The following TNFRSF11A variants were observed in gnomAD, a reference collection of about 807,000 sequenced individuals.
The protein encoded by TNFRSF11A is TNF receptor superfamily member 11a, also known as tumor necrosis factor receptor superfamily member 11A.
TNFRSF11A carries 32 observed loss-of-function variants against 55.7 expected under a neutral mutation model. The ratio of observed to expected loss-of-function variants is 0.57; its 90% CI spans 0.43 to 0.77. The LOEUF is 0.77. TNFRSF11A is among the 30% of genes least tolerant of loss of function. The probability of loss-of-function intolerance (pLI) is 0.00; values close to 1 mark genes in which losing one functional copy is unlikely to be tolerated. For synonymous variants in TNFRSF11A, 311 were observed against 331.0 expected, an observed-to-expected ratio of 0.94 and a Z score of 0.65; for missense variants, 753 against 809.8, an observed-to-expected ratio of 0.93 and a Z score of 0.85.
At chr18:62,342,419 A>AAAAAAAAAAAAAAAAAAAAAAAAAC (rs1364553778) in intron 1 of TNFRSF11A, among the ~76,000 whole-genome samples, 1 of 150,924 alleles carries the variant, frequency 6.6e-6, no homozygotes. Flanking sequence ...AAAAAAAAAA[A>AAAAAAAAAAAAAAAAAAAAAAAAAC]AAAAAATCCT....
chr18:62,385,075 C>A lies in TNFRSF11A; in HGVS notation c.*41C>A. 7.0e-7 allele frequency: 1 copy of A among 1,435,692 alleles called. No individual in the cohort carries two copies. Among genetic ancestry groups the A allele is most frequent in the Non-Finnish European group, 9.1e-7 (1 of 1,104,584 alleles). The allele number at this position is 1,435,692 out of a possible 1,614,324, so 88.9% of individuals were successfully genotyped here. A position where few individuals can be genotyped will look rare whatever the true frequency, so the allele number is the denominator to read the frequency against. On this transcript the variant is annotated 3_prime_UTR_variant, in exon 10 of 10. Transcript: ENST00000586569. ...GGGAGCCCGAAGCTCGGAGCCAGGG[C>A]TCGCGAGGGCAGCACCGCAGCCTCT...
At chr18:62,347,387 A>T (rs1056543395) in intron 1 of TNFRSF11A, among the ~76,000 whole-genome samples, 1 of 152,208 alleles carries the variant, frequency 6.6e-6, no homozygotes, top group African/African-American at 2.4e-5. Flanking sequence ...CTGGGTGATT[A>T]TAGATGCCTG....
intron 4 of TNFRSF11A, 40 bp from the exon 5 acceptor site, chr18:62,358,207 GT>G: frequency 6.3e-7 from 1 of 1,583,278 alleles, no homozygotes; most frequent in Non-Finnish European, 8.6e-7. Context: ...TTTGTTTTTT[GT>G]TTGTTCTGTC....
intron 2 of TNFRSF11A, among the ~76,000 whole-genome samples, chr18:62,348,636 C>T (rs1568479257): frequency 1.3e-5 from 2 of 152,208 alleles, no homozygotes; most frequent in Non-Finnish European, 2.9e-5. Flanking sequence ...GGAATAACCA[C>T]ACTGGAATTG....
intron 1 of TNFRSF11A, among the ~76,000 whole-genome samples, chr18:62,333,558 C>G (rs561031007): frequency 6.6e-6 from 1 of 152,324 alleles, no homozygotes; most frequent in Admixed American, 6.5e-5. Flanking sequence ...CTCACTCCAC[C>G]TTGCTAGTAA....
chr18:62,327,864 A>C (rs536883344), intron 1 of TNFRSF11A, among the ~76,000 whole-genome samples: 9 of 152,320 alleles, frequency 5.9e-5, no homozygotes, highest in African/African-American at 1.9e-4. Context: ...TTGTGAGGGA[A>C]TTCATTTTCA....
At chr18:62,366,471 A>G (rs767547342) in intron 7 of TNFRSF11A, among the ~76,000 whole-genome samples, 1 of 152,210 alleles carries the variant, frequency 6.6e-6, no homozygotes, top group Non-Finnish European at 1.5e-5. Flanking sequence ...GTTGTATCAT[A>G]TTCAAGATTT....
At chr18:62,357,058 A>G (rs1909311353) in intron 4 of TNFRSF11A, among the ~76,000 whole-genome samples, 1 of 152,242 alleles carries the variant, frequency 6.6e-6, no homozygotes, top group South Asian at 2.1e-4. Flanking sequence ...GCTCTTCTTA[A>G]TAAAGATTCA....
chr18:62,338,846 G>A (rs1387472690), intron 1 of TNFRSF11A, among the ~76,000 whole-genome samples: 1 of 152,112 alleles, frequency 6.6e-6, no homozygotes, highest in Non-Finnish European at 1.5e-5. Context: ...TGGCCCCAAA[G>A]TTTTTTTAAA....
At chr18:62,328,699 C>T (rs2046109400) in intron 1 of TNFRSF11A, among the ~76,000 whole-genome samples, 1 of 152,200 alleles carries the variant, frequency 6.6e-6, no homozygotes, top group South Asian at 2.1e-4. Context: ...GCCCCCCATC[C>T]CATCCGAGAG....
chr18:62,379,302 C>G (rs1248900247), intron 9 of TNFRSF11A, among the ~76,000 whole-genome samples: 1 of 152,228 alleles, frequency 6.6e-6, no homozygotes, highest in Non-Finnish European at 1.5e-5. Context: ...CCATAGCACA[C>G]TGATTATTCA....
chr18:62,336,748 T>A (rs2046239699), intron 1 of TNFRSF11A: 1 of 152,262 alleles, frequency 6.6e-6, no homozygotes, highest in Admixed American at 6.5e-5. Flanking sequence ...GGCCTTGCCC[T>A]TGGATTCCAG....
chr18:62,325,322 G>A lies in TNFRSF11A; in HGVS notation c.-31G>A, dbSNP rs1318493770. The A allele has an allele frequency of 4.0e-6, 4 of 994,078 alleles. No homozygotes were observed. The highest frequency in any genetic ancestry group is 4.8e-6 in the Non-Finnish European group (4 of 833,406). 61.6% of individuals were successfully genotyped at this position (994,078 alleles called of 1,614,324 possible). On this transcript the variant is annotated 5_prime_UTR_variant, in exon 1 of 10. Transcript: ENST00000586569. This position sits in a 1 kb window ranked among gnomAD's most constrained non-coding sequence, Gnocchi z 4.7. ...CCCGCTGGGCCACAGAGGCCGCTGAGGCCGCGGCGCCCGCCAGCCTGTCCC... is the reference window on the plus strand; with the variant it reads ...CCCGCTGGGCCACAGAGGCCGCTGAAGCCGCGGCGCCCGCCAGCCTGTCCC...
chr18:62,339,582 G>C (rs890112152), intron 1 of TNFRSF11A, among the ~76,000 whole-genome samples: 1 of 152,192 alleles, frequency 6.6e-6, no homozygotes, highest in African/African-American at 2.4e-5. Context: ...TACAAAAGCT[G>C]TGAGAGGGCA....
chr18:62,365,820 A>G (rs1361927641), intron 7 of TNFRSF11A, among the ~76,000 whole-genome samples: 2 of 151,462 alleles, frequency 1.3e-5, no homozygotes, highest in African/African-American at 2.4e-5. Context: ...TTTTTATTTT[A>G]TTTTTTGGTT....
chr18:62,388,987 T>C lies in TNFRSF11A; in HGVS notation c.*3953T>C, dbSNP rs1035250615. ...ACGTAGTTTTGAGTTGTTTGCTCTT[T>C]GACAGTCTCTGATGGCATGTGAGTC... On this transcript the variant is annotated 3_prime_UTR_variant, in exon 10 of 10. Transcript: ENST00000586569. 2 of 152,322 alleles carry C rather than the reference T, an allele frequency of 1.3e-5. No homozygotes were observed. Among genetic ancestry groups the C allele is most frequent in the Admixed American group, 1.3e-4 (2 of 15,280 alleles). 9.4% of individuals were successfully genotyped at this position (152,322 alleles called of 1,614,324 possible). A position where few individuals can be genotyped will look rare whatever the true frequency, so the allele number is the denominator to read the frequency against.
intron 1 of TNFRSF11A, among the ~76,000 whole-genome samples, chr18:62,335,173 G>A (rs1010227074): frequency 7.4e-5 from 11 of 147,942 alleles, no homozygotes; most frequent in Admixed American, 2.7e-4. Flanking sequence ...GCAGTGGCGC[G>A]ATCTCAGCTC....
chr18:62,350,474 A>G (rs563125679), intron 3 of TNFRSF11A, among the ~76,000 whole-genome samples: 1 of 151,926 alleles, frequency 6.6e-6, no homozygotes, highest in Non-Finnish European at 1.5e-5. Context: ...TTGTACTTTT[A>G]GTAGAGACGG....
At chr18:62,338,300 ATTAAC>A in intron 1 of TNFRSF11A, among the ~76,000 whole-genome samples, 1 of 152,340 alleles carries the variant, frequency 6.6e-6, no homozygotes, top group Admixed American at 6.5e-5. Context: ...TAAACATAGA[ATTAAC>A]TTAGGATTCC....
Sources: gnomAD v4.1 joint callset for allele counts (sites outside exome capture counted in the v4.1 genomes callset) on GRCh38, gnomAD v4.1.1 for gene constraint, Gnocchi (gnomAD v3.1) non-coding constraint, MANE v1.5 for transcripts, NCBI Gene and HGNC (gene_info 2026-07-23, HGNC 2026-07-21) for gene names.